The following PREP variants were observed in gnomAD, a reference collection of about 807,000 sequenced individuals.
PREP encodes the protein prolyl endopeptidase.
A neutral mutation model predicts 87.6 loss-of-function variants in PREP; 29 were observed. That is an observed-to-expected ratio of 0.33 (90% CI 0.25 to 0.45). The LOEUF is 0.45. PREP is among the 20% of genes least tolerant of loss of function. The pLI, the probability that PREP is intolerant of heterozygous loss-of-function variation, is 1.00. For synonymous variants in PREP, 337 were observed against 328.6 expected (o/e 1.03, Z -0.28); for missense variants, 695 against 886.5 (o/e 0.78, Z 2.74).
At chr6:105,326,490 G>C (rs1771162901) in intron 9 of PREP, among the ~76,000 whole-genome samples, 1 of 152,216 alleles carries the variant, frequency 6.6e-6, no homozygotes, top group African/African-American at 2.4e-5. Context: ...GTCAGCTGGT[G>C]TGCACCTGCC....
intron 4 of PREP, among the ~76,000 whole-genome samples, chr6:105,374,373 G>T (rs1772633050): frequency 6.6e-6 from 1 of 152,232 alleles, no homozygotes; most frequent in Admixed American, 6.5e-5. Context: ...TGACACCAGA[G>T]ATTTCCTCTT....
chr6:105,333,026 A>G (rs1255288095), intron 8 of PREP, among the ~76,000 whole-genome samples: 2 of 152,270 alleles, frequency 1.3e-5, no homozygotes, highest in African/African-American at 4.8e-5. Context: ...GATATTAAGT[A>G]TACAAAGACA....
At chr6:105,360,843 G>C (rs868157411) in intron 6 of PREP, among the ~76,000 whole-genome samples, 1 of 152,182 alleles carries the variant, frequency 6.6e-6, no homozygotes, top group Non-Finnish European at 1.5e-5. Flanking sequence ...TAGGTGTGAT[G>C]TGATTCACTC....
At chr6:105,358,280 A>G (rs568166034) in intron 6 of PREP, among the ~76,000 whole-genome samples, 84 of 152,298 alleles carry the variant, frequency 5.5e-4, no homozygotes, top group African/African-American at 1.8e-3. Flanking sequence ...AATCATAACA[A>G]TAAACATCAA....
chr6:105,273,538 C>T lies in PREP; in HGVS notation c.*4606G>A, dbSNP rs1250340919. 2 of 152,184 alleles carry T rather than the reference C, an allele frequency of 1.3e-5. No individual in the cohort carries two copies. Among genetic ancestry groups the T allele is most frequent in the Non-Finnish European group, 2.9e-5 (2 of 68,030 alleles). The allele number at this position is 152,184 out of a possible 1,614,324, so 9.4% of individuals were successfully genotyped here. On this transcript the variant is annotated 3_prime_UTR_variant, in exon 15 of 15. Transcript: ENST00000652536. Reference sequence around the variant, plus strand: ...AGTCATTTGTGTCTGGCTTCTTTCACTTATAATGTTTTTGAGATTCATCCA... The same window carrying T: ...AGTCATTTGTGTCTGGCTTCTTTCATTTATAATGTTTTTGAGATTCATCCA...
At chr6:105,296,172 T>C (rs1770405879) in intron 10 of PREP, among the ~76,000 whole-genome samples, 1 of 152,242 alleles carries the variant, frequency 6.6e-6, no homozygotes, top group East Asian at 1.9e-4. Context: ...TTTTTACTAG[T>C]GTAATAGGCA....
At chr6:105,386,964 A>T (rs1773011894) in intron 2 of PREP, among the ~76,000 whole-genome samples, 1 of 152,142 alleles carries the variant, frequency 6.6e-6, no homozygotes, top group Non-Finnish European at 1.5e-5. Flanking sequence ...TGTAATCCCA[A>T]CACTTTGGGA....
At chr6:105,334,866 C>T (rs1032147362) in intron 7 of PREP, among the ~76,000 whole-genome samples, 2 of 152,166 alleles carry the variant, frequency 1.3e-5, no homozygotes, top group African/African-American at 2.4e-5. Flanking sequence ...CCTGAGTAGC[C>T]AGGACTACAC....
chr6:105,280,971 T>TTTGA (rs1235067689), intron 14 of PREP: 1 of 152,186 alleles, frequency 6.6e-6, no homozygotes. Context: ...AATAATACCT[T>TTTGA]TTGATTGTTA....
At chr6:105,291,118 A>G (rs1770288677) in intron 10 of PREP, among the ~76,000 whole-genome samples, 1 of 148,006 alleles carries the variant, frequency 6.8e-6, no homozygotes, top group Non-Finnish European at 1.5e-5. Context: ...AAAATGCTTT[A>G]TTGCTAAAAA....
chr6:105,360,936 CAT>C (rs1772231202), intron 6 of PREP, among the ~76,000 whole-genome samples: 1 of 152,140 alleles, frequency 6.6e-6, no homozygotes, highest in African/African-American at 2.4e-5. Context: ...TACACACACA[CAT>C]ACATATGTAC....
In PREP at chr6:105,275,942, CCT is replaced by C. The variant is rs1318157615; in HGVS notation, c.*2200_*2201del. Among the ~76,000 whole-genome samples the C allele has an allele frequency of 6.6e-6, 1 of 152,168 alleles. No homozygotes were observed. The highest frequency in any genetic ancestry group is 1.5e-5 in the Non-Finnish European group (1 of 68,036). On this transcript the variant is annotated 3_prime_UTR_variant, in exon 15 of 15. Coordinates refer to ENST00000652536, the MANE Select transcript of PREP (RefSeq NM_002726.5). The stretch of plus-strand genomic sequence containing the variant: ...TACAAATATACAGTTTGAAAGAAGA[CCT>C]AGTGTTAGATCAGTAGGGTGTCTAT...
At chr6:105,325,482 C>G (rs1484369784) in intron 9 of PREP, among the ~76,000 whole-genome samples, 1 of 152,146 alleles carries the variant, frequency 6.6e-6, no homozygotes, top group East Asian at 1.9e-4. Flanking sequence ...CAAATCTAAC[C>G]ACAGAATGAA....
intron 2 of PREP, among the ~76,000 whole-genome samples, chr6:105,396,523 G>C (rs545003881): frequency 2.0e-5 from 3 of 152,262 alleles, no homozygotes; most frequent in African/African-American, 4.8e-5. Flanking sequence ...TCCCAGTGGG[G>C]AGATGGGCAA....
intron 2 of PREP, 87 bp downstream of exon 2, chr6:105,397,766 C>T (rs1562231131): frequency 1.9e-6 from 2 of 1,065,148 alleles, no homozygotes; most frequent in Non-Finnish European, 2.9e-6. Flanking sequence ...CAGGAGAACA[C>T]CAGAAAGGAA....
chr6:105,399,127 C>T (rs1473972083), intron 1 of PREP, among the ~76,000 whole-genome samples: 2 of 151,958 alleles, frequency 1.3e-5, no homozygotes, highest in South Asian at 2.1e-4. Flanking sequence ...AAAAGATTAA[C>T]CCCATTAATG....
chr6:105,377,015 CAGAAGAAAA>C, intron 3 of PREP, among the ~76,000 whole-genome samples: 1 of 152,266 alleles, frequency 6.6e-6, no homozygotes. Context: ...CATTCTTTGA[CAGAAGAAAA>C]ACACAGAATT....
intron 10 of PREP, among the ~76,000 whole-genome samples, chr6:105,320,932 G>A (rs1185706609): frequency 1.3e-5 from 2 of 152,170 alleles, no homozygotes; most frequent in Admixed American, 1.3e-4. Flanking sequence ...ACACTGCCAA[G>A]AGCCTAATCA....
chr6:105,372,698 C>A (rs911152329), intron 5 of PREP, among the ~76,000 whole-genome samples: 1 of 152,142 alleles, frequency 6.6e-6, no homozygotes, highest in Non-Finnish European at 1.5e-5. Context: ...GGAGAATATG[C>A]GATTACTGTA....
Sources: gnomAD v4.1 joint callset for allele counts (sites outside exome capture counted in the v4.1 genomes callset) on GRCh38, gnomAD v4.1.1 for gene constraint, MANE v1.5 for transcripts, NCBI Gene and HGNC (gene_info 2026-07-23, HGNC 2026-07-21) for gene names.